ACLY: variants seen among roughly 807,000 people sequenced by gnomAD.
The protein encoded by ACLY is ATP citrate lyase, also known as ATP-citrate synthase.
In ACLY, 41 loss-of-function variants were observed where a neutral mutation model predicts 133.0. The ratio of observed to expected loss-of-function variants is 0.31; its 90% confidence interval spans 0.24 to 0.40. The LOEUF is 0.40. ACLY is among the 10% of genes least tolerant of loss of function. ACLY has a pLI of 1.00. For missense variants in ACLY, 1,046 were observed against 1,453.8 expected (o/e 0.72, Z 4.56); for synonymous variants, 495 against 549.3 (o/e 0.90, Z 1.38).
intron 8 of ACLY, among the ~76,000 whole-genome samples, chr17:41,905,947 A>C (rs2049703025): frequency 6.6e-6 from 1 of 152,226 alleles, no homozygotes; most frequent in African/African-American, 2.4e-5. Flanking sequence ...AAAGACAAGC[A>C]AAATCACACA....
At chr17:41,919,006 C>T (rs1555635033), upstream of ACLY, 8 of 1,285,714 alleles carry the variant, frequency 6.2e-6, no homozygotes, top group Non-Finnish European at 8.1e-6. Flanking sequence ...GACTTTTCCC[C>T]GCCCCCATCG....
At chr17:41,927,645 G>A (rs1171746998) in intron 1 of ACLY, among the ~76,000 whole-genome samples, 1 of 152,164 alleles carries the variant, frequency 6.6e-6, no homozygotes, top group Non-Finnish European at 1.5e-5. Context: ...GGCTAACACA[G>A]TGAAACCCTG....
At chr17:41,879,288 T>G (rs949651192) in intron 20 of ACLY, among the ~76,000 whole-genome samples, 19 of 151,772 alleles carry the variant, frequency 1.3e-4, no homozygotes, top group African/African-American at 4.4e-4. Context: ...GTATTTTTAG[T>G]AGAGATGGGG....
In ACLY at chr17:41,912,106, C is replaced by T. The variant is rs528427823; in HGVS notation, c.282+314G>A. 4.0e-5 allele frequency among the ~76,000 whole-genome samples: 6 copies of T among 149,900 alleles called. No homozygotes were observed. In the South Asian group the frequency reaches 1.3e-3, roughly 32 times the overall value. ...TCCAGCCTGGGCTACAGAGCAAGAC[C>T]CTGTCAAAAAAAAAAAAAAAAAGAA... On this transcript the variant is annotated intron_variant, in intron 3 of 28. Transcript: ENST00000352035.
At chr17:41,887,250 C>G (rs558818579) in intron 17 of ACLY, among the ~76,000 whole-genome samples, 1 of 151,890 alleles carries the variant, frequency 6.6e-6, no homozygotes, top group East Asian at 1.9e-4. Flanking sequence ...ACCAGCCTGA[C>G]CAACATGGTG....
At chr17:41,887,446 A>C (rs2049084282) in intron 17 of ACLY, among the ~76,000 whole-genome samples, 153 bp downstream of exon 17, 1 of 152,138 alleles carries the variant, frequency 6.6e-6, no homozygotes, top group Non-Finnish European at 1.5e-5. Flanking sequence ...TCAAAAAAAA[A>C]GCTAAAAATG....
intron 22 of ACLY, among the ~76,000 whole-genome samples, chr17:41,875,480 C>T (rs1555625928): frequency 1.3e-5 from 2 of 151,980 alleles, no homozygotes; most frequent in African/African-American, 4.8e-5. Context: ...CACGGTCTCC[C>T]TCTGATGCCG....
intron 25 of ACLY, chr17:41,870,419 G>C (rs1347645140): frequency 6.6e-6 from 1 of 152,188 alleles, no homozygotes; most frequent in Non-Finnish European, 1.5e-5. Flanking sequence ...ACCTGAGATG[G>C]CCAAGTGTTT....
intron 8 of ACLY, among the ~76,000 whole-genome samples, chr17:41,906,205 T>A (rs2049712784): frequency 6.6e-6 from 1 of 152,172 alleles, no homozygotes; most frequent in Admixed American, 6.5e-5. Flanking sequence ...CTAACTGGGG[T>A]GACCTGGTCA....
At chr17:41,921,479 GAA>G (rs782660866), upstream of ACLY, among the ~76,000 whole-genome samples, 2 of 42,434 alleles carry the variant, frequency 4.7e-5, no homozygotes, top group Middle Eastern at 0.015. Context: ...CCCTGTCTCA[GAA>G]AAAAAAAAAA....
At position 41,913,874 on chromosome 17, in the gene ACLY, G is replaced by A; in HGVS notation, c.-1C>T. 1 of 1,614,208 alleles carries A rather than the reference G, an allele frequency of 6.2e-7. No homozygotes were observed. The highest frequency in any genetic ancestry group is 8.5e-7 in the Non-Finnish European group (1 of 1,180,024). ...GCTCTGAAATTGCCTTGGCCGACAT[G>A]GCTGCAGAGAGACCTGCTCTACCTG... On this transcript the variant is annotated 5_prime_UTR_variant, in exon 2 of 29. Transcript: ENST00000352035.
chr17:41,923,000 A>G (rs2050200739), upstream of ACLY, among the ~76,000 whole-genome samples: 1 of 152,158 alleles, frequency 6.6e-6, no homozygotes, highest in African/African-American at 2.4e-5. Context: ...TAATCAATCT[A>G]GAACCCATCT....
intron 1 of ACLY, among the ~76,000 whole-genome samples, chr17:41,927,475 C>CTTT (rs2050257335): frequency 6.6e-6 from 1 of 152,126 alleles, no homozygotes; most frequent in Admixed American, 6.5e-5. Context: ...TGTGAGCTAC[C>CTTT]ACACCCGGCC....
rs200877438 is a variant in ACLY at position 41,878,851 on chromosome 17, T to C, written c.2339A>G (p.Lys780Arg). The C allele has an allele frequency of 1.2e-6, 2 of 1,614,098 alleles. No homozygotes were observed. The highest frequency in any genetic ancestry group is 2.2e-5 in the East Asian group (1 of 44,874). Residue 780 changes from lysine to arginine, a missense_variant, in exon 21 of 29, where the codon AAG (lysine) becomes AGG (arginine). Coordinates refer to ENST00000352035, the MANE Select transcript of ACLY (RefSeq NM_001096.3). ...CCGGGGCACAAACACTCCTGCTTCCTTCAAAGCCTGGTTCTTGGCTACTGC... is the reference window on the plus strand; with the variant it reads ...CCGGGGCACAAACACTCCTGCTTCCCTCAAAGCCTGGTTCTTGGCTACTGC... ...ETAVAKNQALKEAGVFVPRSF... is the reference protein window; with the variant it reads ...ETAVAKNQALREAGVFVPRSF...
intron 20 of ACLY, among the ~76,000 whole-genome samples, chr17:41,879,735 C>A (rs1310705575): frequency 3.8e-5 from 4 of 106,534 alleles, no homozygotes; most frequent in Non-Finnish European, 7.3e-5. Flanking sequence ...TTTTTTTTTT[C>A]GAGACAGGGT....
chr17:41,919,855 T>G (rs567507161), upstream of ACLY, among the ~76,000 whole-genome samples: 64 of 152,324 alleles, frequency 4.2e-4, 1 homozygote, highest in Non-Finnish European at 7.4e-4. Context: ...CTGGTGAACT[T>G]GTGGGGCAGA....
At chr17:41,912,265 G>C (rs1555633764) in intron 3 of ACLY, among the ~76,000 whole-genome samples, 155 bp downstream of exon 3, 1 of 152,194 alleles carries the variant, frequency 6.6e-6, no homozygotes, top group East Asian at 1.9e-4. Context: ...CCTACTGCTG[G>C]CAGCCACCTG....
At chr17:41,868,968 C>T in intron 27 of ACLY, 75 bp downstream of exon 27, 1 of 1,398,108 alleles carries the variant, frequency 7.2e-7, no homozygotes, top group Non-Finnish European at 1.0e-6. Context: ...TATGAGTATG[C>T]ATTACTTTTA....
intron 1 of ACLY, among the ~76,000 whole-genome samples, chr17:41,916,597 G>A (rs1439633536): frequency 4.6e-5 from 7 of 150,956 alleles, no homozygotes; most frequent in East Asian, 2.0e-4. Context: ...GGCTGGTCTC[G>A]AACTCCTGAC....
Sources: allele counts gnomAD v4.1 joint callset (sites outside exome capture counted in the v4.1 genomes callset), GRCh38; gene constraint gnomAD v4.1.1; transcripts MANE v1.5; gene names NCBI Gene and HGNC (gene_info 2026-07-23, HGNC 2026-07-21).